Variants in LYG1 observed in about 807,000 individuals in gnomAD.
The protein encoded by LYG1 is lysozyme g-like protein 1.
Under a neutral mutation model 21.7 loss-of-function variants are expected in LYG1, and 17 were observed. That is an observed-to-expected ratio of 0.78 (90% CI 0.54 to 1.18). LYG1 has a LOEUF of 1.18. Ranked by LOEUF, LYG1 falls within the 50% of genes most tolerant of loss-of-function variation. The pLI, the probability that LYG1 is intolerant of heterozygous loss-of-function variation, is 0.00. For missense variants in LYG1, 211 were observed against 238.1 expected (o/e 0.89, Z 0.75); for synonymous variants, 81 against 87.4 (o/e 0.93, Z 0.41).
At position 99,288,200 on chromosome 2, in the gene LYG1, A is replaced by C. The variant is rs192114330; in HGVS notation, c.333+3037T>G. Among the ~76,000 whole-genome samples the C allele has an allele frequency of 2.6e-5, 4 of 152,216 alleles. No homozygotes were observed. The East Asian group carries it at 7.7e-4, about 29-fold the overall frequency. Reference sequence around the variant, plus strand: ...ATTGCTGTATGTCCTGGATAAATTCAATCTTTTTTGTTATGTCATAATTCT... The same window carrying C: ...ATTGCTGTATGTCCTGGATAAATTCCATCTTTTTTGTTATGTCATAATTCT... On this transcript the variant is annotated intron_variant, in intron 5 of 6. Coordinates refer to ENST00000308528, the MANE Select transcript of LYG1 (RefSeq NM_174898.3).
intron 5 of LYG1, among the ~76,000 whole-genome samples, chr2:99,289,932 C>A (rs1440674570): frequency 6.6e-6 from 1 of 151,988 alleles, no homozygotes; most frequent in Non-Finnish European, 1.5e-5. Context: ...GATCTCAGCT[C>A]ACTGCAACCT....
At chr2:99,300,660 C>T (rs2094151389) in intron 1 of LYG1, among the ~76,000 whole-genome samples, 2 of 151,060 alleles carry the variant, frequency 1.3e-5, no homozygotes, top group Admixed American at 1.3e-4. Flanking sequence ...AGGGATTTAC[C>T]GTCTGGCAAA....
At chr2:99,291,671 T>C (rs1050686032) in intron 4 of LYG1, among the ~76,000 whole-genome samples, 1 of 152,136 alleles carries the variant, frequency 6.6e-6, no homozygotes, top group African/African-American at 2.4e-5. Context: ...GACTGGGCTC[T>C]CAGGGGCTGC....
upstream of LYG1, among the ~76,000 whole-genome samples, chr2:99,302,141 G>A (rs1359268647): frequency 1.3e-5 from 2 of 151,370 alleles, no homozygotes; most frequent in Admixed American, 6.6e-5. Context: ...TGTCTCATTC[G>A]TCTTTATAAT....
At chr2:99,296,343 A>C (rs1574888137) in intron 2 of LYG1, among the ~76,000 whole-genome samples, 1 of 152,236 alleles carries the variant, frequency 6.6e-6, no homozygotes, top group South Asian at 2.1e-4. Flanking sequence ...AGCTACCTCC[A>C]CCAGCAAATC....
At chr2:99,286,492 G>C (rs924211777) in intron 5 of LYG1, among the ~76,000 whole-genome samples, 15 of 152,054 alleles carry the variant, frequency 9.9e-5, no homozygotes, top group African/African-American at 3.6e-4. Flanking sequence ...GGCTCACCAG[G>C]CAGGAGTTTG....
At chr2:99,303,450 G>A (rs994443691), upstream of LYG1, among the ~76,000 whole-genome samples, 5 of 151,978 alleles carry the variant, frequency 3.3e-5, no homozygotes, top group African/African-American at 1.2e-4. Context: ...GAGACGAAAT[G>A]GCTTCTCACA....
intron 2 of LYG1, 136 bp downstream of exon 2, chr2:99,298,323 T>A: frequency 6.6e-6 from 1 of 152,328 alleles, no homozygotes; most frequent in East Asian, 1.9e-4. Context: ...AGCAAAATAG[T>A]AACAAACAGC....
At chr2:99,287,562 G>C (rs2094104210) in intron 5 of LYG1, among the ~76,000 whole-genome samples, 1 of 151,794 alleles carries the variant, frequency 6.6e-6, no homozygotes, top group Non-Finnish European at 1.5e-5. Context: ...TTAATATTAG[G>C]TTTGTGACTG....
intron 2 of LYG1, among the ~76,000 whole-genome samples, chr2:99,297,680 A>G (rs542536926): frequency 1.1e-4 from 16 of 152,218 alleles, no homozygotes; most frequent in South Asian, 4.2e-4. Flanking sequence ...AAGTTTTTCA[A>G]TTTCATCAGG....
At chr2:99,287,474 T>C (rs1366145433) in intron 5 of LYG1, among the ~76,000 whole-genome samples, 5 of 152,076 alleles carry the variant, frequency 3.3e-5, no homozygotes, top group Non-Finnish European at 5.9e-5. Flanking sequence ...CAAACCCCCA[T>C]GACACACGTT....
chr2:99,299,672 G>A (rs2094148394), intron 1 of LYG1, among the ~76,000 whole-genome samples: 1 of 151,798 alleles, frequency 6.6e-6, no homozygotes, highest in African/African-American at 2.4e-5. Context: ...CAATCTGCCT[G>A]CCTCAGCCTC....
At chr2:99,292,425 G>A in intron 4 of LYG1, 111 bp downstream of exon 4, 1 of 766,084 alleles carries the variant, frequency 1.3e-6, no homozygotes, top group Non-Finnish European at 2.2e-6. Flanking sequence ...TGTTCAAGAA[G>A]CAGAGCTTTG....
At position 99,284,754 on chromosome 2, in the gene LYG1, G is replaced by C. The variant is rs746152053; in HGVS notation, c.400C>G (p.Leu134Val). Reference protein sequence around the residue: ...ESQVSQTTEVLTTRIKEIQRR... With the variant: ...ESQVSQTTEVVTTRIKEIQRR... ...TGGATTTCTTTGATTCTAGTAGTCA[G>C]AACTTCAGTTGTCTGGGAAACCTGA... Residue 134 changes from leucine to valine, a missense_variant, in exon 6 of 7, where the codon CTG becomes GTG. By Grantham distance (32) the Leu-to-Val change is conservative (BLOSUM62 1). Transcript: ENST00000308528. 2 of 1,614,004 alleles carry C rather than the reference G, an allele frequency of 1.2e-6. No homozygotes were observed. Among genetic ancestry groups the C allele is most frequent in the Non-Finnish European group, 1.7e-6 (2 of 1,180,022 alleles).
intron 5 of LYG1, among the ~76,000 whole-genome samples, chr2:99,288,844 T>C (rs1336156777): frequency 2.0e-5 from 3 of 152,042 alleles, no homozygotes; most frequent in Non-Finnish European, 4.4e-5. Flanking sequence ...TGCTGGGATT[T>C]TAAAGACGTG....
rs1028406787 is a variant in LYG1, at chr2:99,284,941, C to G, written c.334-121G>C. The stretch of plus-strand genomic sequence containing the variant: ...TGTTCTCCTTTCACCTTTGATGGAA[C>G]CAATGCCACCGTCAGTCTCCTGTGA... On this transcript the variant is annotated intron_variant, in intron 5 of 6. Coordinates refer to ENST00000308528, the MANE Select transcript of LYG1 (RefSeq NM_174898.3). The G allele has an allele frequency of 1.0e-5, 13 of 1,302,708 alleles. No individual in the cohort carries two copies. In the African/African-American group the frequency reaches 1.6e-4, roughly 16 times the overall value. 80.7% of individuals were successfully genotyped at this position (1,302,708 alleles called of 1,614,324 possible).
intron 5 of LYG1, among the ~76,000 whole-genome samples, chr2:99,290,964 A>T (rs2105293874): frequency 6.6e-6 from 1 of 152,304 alleles, no homozygotes; most frequent in Non-Finnish European, 1.5e-5. Flanking sequence ...TTAATCTGTG[A>T]TCTTTCTCTT....
chr2:99,292,485 G>C (rs1337953489), intron 4 of LYG1, 51 bp downstream of exon 4: 1 of 1,364,968 alleles, frequency 7.3e-7, no homozygotes, highest in Admixed American at 1.7e-5. Context: ...TGAGGCATGG[G>C]AAACAGTGAA....
At chr2:99,289,349 A>G (rs1023258736) in intron 5 of LYG1, among the ~76,000 whole-genome samples, 2 of 151,912 alleles carry the variant, frequency 1.3e-5, no homozygotes, top group African/African-American at 4.8e-5. Flanking sequence ...AGTCCCAGCT[A>G]CTTGGGAGGC....
Sources: allele counts gnomAD v4.1 joint callset (sites outside exome capture counted in the v4.1 genomes callset), GRCh38; gene constraint gnomAD v4.1.1; transcripts MANE v1.5; gene names NCBI Gene and HGNC (gene_info 2026-07-23, HGNC 2026-07-21).